Variants in DBET observed in about 807,000 individuals in gnomAD.
DBET encodes the protein D4Z4 binding element transcript, also known as D4Z4 binding element transcript (non-protein coding).
chr4:190,065,176 A>G (rs1553971472), exon 1 of DBET: 2 of 525,400 alleles, frequency 3.8e-6, no homozygotes, highest in Non-Finnish European at 6.8e-6. Flanking sequence ...TTATAAATCT[A>G]TTGTGCCTCA....
At chr4:190,065,094 C>A (rs79640555) in exon 1 of DBET, 5 of 462,962 alleles carry the variant, frequency 1.1e-5, no homozygotes, top group Middle Eastern at 5.3e-4. Flanking sequence ...AATGATCTGA[C>A]TAGTTTGGCA....
rs1579779782 is a variant in DBET at position 190,067,644 on chromosome 4, CCCCCCCCCCCCCCCACCA to C, written n.3146_3163del. On this transcript the variant is annotated non_coding_transcript_exon_variant, in exon 1 of 1. Coordinates refer to ENST00000630918, the Ensembl canonical transcript of DBET. Reference sequence around the variant, plus strand: ...ACCACCGCCACCACGCCCTCCCCCCCCCCCCCCCCCCCCCACCACCACCACCCCGCCGGCCGGCCCCAG... The same window carrying C: ...ACCACCGCCACCACGCCCTCCCCCCCCCACCACCCCGCCGGCCGGCCCCAG... 22 of 127,512 alleles carry C rather than the reference CCCCCCCCCCCCCCCACCA, an allele frequency of 1.7e-4. No individual in the cohort carries two copies. The East Asian group carries it at 4.7e-3, about 27-fold the overall frequency. The allele number at this position is 127,512 out of a possible 1,614,324, so 7.9% of individuals were successfully genotyped here. A position where few individuals can be genotyped will look rare whatever the true frequency, so the allele number is the denominator to read the frequency against.
exon 1 of DBET, chr4:190,064,600 T>C (rs1440549796): frequency 6.5e-5 from 9 of 138,982 alleles, no homozygotes; most frequent in African/African-American, 2.8e-4. Context: ...CTCCATCATG[T>C]CCTTCAGCAC....
chr4:190,065,186 A>C (rs1740588625), exon 1 of DBET: 2 of 550,130 alleles, frequency 3.6e-6, no homozygotes, highest in East Asian at 6.4e-5. Context: ...ATTGTGCCTC[A>C]AGTCAGAAGT....
At chr4:190,065,034 G>A in exon 1 of DBET, 1 of 430,286 alleles carries the variant, frequency 2.3e-6, no homozygotes, top group East Asian at 3.5e-5. Context: ...GAATCTTAAA[G>A]TGCATTCGAA....
chr4:190,064,721 G>A (rs1246230633), exon 1 of DBET: 1 of 132,222 alleles, frequency 7.6e-6, no homozygotes, highest in African/African-American at 3.2e-5. Context: ...ACTGGGAGTT[G>A]GGCATTTTCT....
Position 190,064,999 on chromosome 4 carries a change from C to T in DBET, n.498C>T, listed in dbSNP as rs1266135785. The T allele has an allele frequency of 7.4e-6, 3 of 405,034 alleles. 1 individual carries two copies. The highest frequency in any genetic ancestry group is 2.9e-5 in the African/African-American group (1 of 34,734). 25.1% of individuals were successfully genotyped at this position (405,034 alleles called of 1,614,324 possible). A position where few individuals can be genotyped will look rare whatever the true frequency, so the allele number is the denominator to read the frequency against. On this transcript the variant is annotated non_coding_transcript_exon_variant, in exon 1 of 1. Transcript: ENST00000630918. Reference sequence around the variant, plus strand: ...TTATGCTTATTCTACTCTGCAATCCCCTAAGGCTTTTTCTCTCCCTCCCAG... The same window carrying T: ...TTATGCTTATTCTACTCTGCAATCCTCTAAGGCTTTTTCTCTCCCTCCCAG...
chr4:190,065,478 C>T, exon 1 of DBET: 5 of 331,920 alleles, frequency 1.5e-5, no homozygotes. Flanking sequence ...GCCTGCCGGG[C>T]CCCTGCGCGG....
exon 1 of DBET, chr4:190,064,539 T>C (rs1740562494): frequency 1.5e-5 from 2 of 137,792 alleles, no homozygotes; most frequent in Admixed American, 7.1e-5. Context: ...ACTAGTGCTG[T>C]AGCAAACACT....
chr4:190,064,922 T>C (rs2856395), exon 1 of DBET: 111,595 of 229,364 alleles, frequency 0.49, 34,234 homozygotes, highest in African/African-American at 0.67. Context: ...CAAACTGTTT[T>C]CAGAAAGCCT....
exon 1 of DBET, chr4:190,064,972 T>C (rs1225529913): frequency 6.0e-6 from 2 of 333,484 alleles, no homozygotes; most frequent in Non-Finnish European, 1.1e-5. Context: ...ACATTTCCTG[T>C]CTTATGCTTA....
At chr4:190,064,586 A>G (rs1413169013) in exon 1 of DBET, 1 of 139,374 alleles carries the variant, frequency 7.2e-6, no homozygotes, top group Non-Finnish European at 1.5e-5. Flanking sequence ...TGTCATCTAT[A>G]TGACTCCATC....
In DBET at chr4:190,065,072, T is replaced by A. The variant is rs1341459371; in HGVS notation, n.571T>A. The A allele has an allele frequency of 1.1e-5, 5 of 450,432 alleles. 1 individual carries two copies. Among genetic ancestry groups the A allele is most frequent in the Non-Finnish European group, 1.2e-5 (3 of 256,316 alleles). 27.9% of individuals were successfully genotyped at this position (450,432 alleles called of 1,614,324 possible). A position where few individuals can be genotyped will look rare whatever the true frequency, so the allele number is the denominator to read the frequency against. The stretch of plus-strand genomic sequence containing the variant: ...CACAGGCAAAATCCTCCCAGAATCT[T>A]GTGAGAACATAAATGATCTGACTAG... On this transcript the variant is annotated non_coding_transcript_exon_variant, in exon 1 of 1. Transcript: ENST00000630918.
exon 1 of DBET, chr4:190,065,126 A>T: frequency 2.2e-6 from 1 of 462,864 alleles, no homozygotes; most frequent in Middle Eastern, 5.3e-4. Flanking sequence ...GATCTGGGAA[A>T]ATCTGTGCAC....
At chr4:190,064,637 T>C (rs1740565608) in exon 1 of DBET, 1 of 136,916 alleles carries the variant, frequency 7.3e-6, no homozygotes, top group African/African-American at 3.1e-5. Context: ...AAGAATCTAG[T>C]CATTAGACAA....
Position 190,064,860 on chromosome 4 carries a change from G to T in DBET, n.359G>T, listed in dbSNP as rs1268250144. 2.7e-5 allele frequency: 4 copies of T among 150,094 alleles called. 1 individual carries two copies. Among genetic ancestry groups the T allele is most frequent in the East Asian group, 1.4e-4 (1 of 7,328 alleles). 9.3% of individuals were successfully genotyped at this position (150,094 alleles called of 1,614,324 possible). On this transcript the variant is annotated non_coding_transcript_exon_variant, in exon 1 of 1. Coordinates refer to ENST00000630918, the Ensembl canonical transcript of DBET. ...AGAAAAACAAAAAACCCTATTAAAC[G>T]TCACGGACAAGGCCAGAGTTTGAAT...
rs1253009976 is a variant in DBET, at chr4:190,065,175, T to C, written n.674T>C. 8 of 521,472 alleles carry C rather than the reference T, an allele frequency of 1.5e-5. No individual in the cohort carries two copies. In the East Asian group the frequency reaches 2.3e-4, roughly 15 times the overall value. 32.3% of individuals were successfully genotyped at this position (521,472 alleles called of 1,614,324 possible). A position where few individuals can be genotyped will look rare whatever the true frequency, so the allele number is the denominator to read the frequency against. On this transcript the variant is annotated non_coding_transcript_exon_variant, in exon 1 of 1. Coordinates refer to ENST00000630918, the Ensembl canonical transcript of DBET. ...CTTGTCATGCCATTATTTATAAATC[T>C]ATTGTGCCTCAAGTCAGAAGTGTGT... is the stretch of plus-strand genomic sequence containing the variant.
At chr4:190,067,637 TCCCCCCCCCCCC>T (rs1198425779) in exon 1 of DBET, 7 of 110,558 alleles carry the variant, frequency 6.3e-5, no homozygotes, top group East Asian at 3.3e-4. Context: ...CACCACGCCC[TCCCCCCCCCCCC>T]CCCCCCCCCA....
At chr4:190,064,901 C>A in exon 1 of DBET, 2 of 206,652 alleles carry the variant, frequency 9.7e-6, no homozygotes, top group South Asian at 9.7e-5. Flanking sequence ...GTGGTCATCT[C>A]TGCTCCAGTG....
Sources: allele counts gnomAD v4.1 joint callset, GRCh38; gene constraint gnomAD v4.1.1; transcripts MANE v1.5; gene names NCBI Gene and HGNC (gene_info 2026-07-23, HGNC 2026-07-21).